Variants in LRP12 observed in about 807,000 individuals in gnomAD.
LRP12 encodes LDL receptor related protein 12.
A neutral mutation model predicts 66.0 loss-of-function variants in LRP12; 14 were observed. The ratio of observed to expected loss-of-function variants is 0.21; its 90% CI spans 0.14 to 0.33. The LOEUF (loss-of-function observed/expected upper bound fraction) is 0.33. Among genes scored for constraint, LRP12 ranks in the 10% least tolerant of loss-of-function variants. The pLI, the probability that LRP12 is intolerant of heterozygous loss-of-function variation, is 1.00. For missense variants in LRP12, 889 were observed against 1,053.4 expected (o/e 0.84, Z 2.16); for synonymous variants, 357 against 359.1 (o/e 0.99, Z 0.07).
intron 1 of LRP12, among the ~76,000 whole-genome samples, chr8:104,553,841 A>G (rs759614075): frequency 6.6e-6 from 1 of 152,154 alleles, no homozygotes; most frequent in South Asian, 2.1e-4. Flanking sequence ...CCAGTGCACT[A>G]AACAAAAATA....
intron 1 of LRP12, among the ~76,000 whole-genome samples, chr8:104,573,943 A>G (rs563940117): frequency 6.6e-6 from 1 of 152,304 alleles, no homozygotes; most frequent in African/African-American, 2.4e-5. Flanking sequence ...CTAGCAGATT[A>G]AAATATATCA....
intron 2 of LRP12, among the ~76,000 whole-genome samples, chr8:104,517,908 T>G (rs1588489473): frequency 6.6e-6 from 1 of 152,204 alleles, no homozygotes; most frequent in African/African-American, 2.4e-5. Context: ...CAGTAAAAAT[T>G]ATTCTGAAAG....
intron 2 of LRP12, among the ~76,000 whole-genome samples, chr8:104,521,496 T>C (rs1811151267): frequency 6.6e-6 from 1 of 151,442 alleles, no homozygotes; most frequent in Non-Finnish European, 1.5e-5. Flanking sequence ...CCACCATTAG[T>C]TTCATTTCCA....
At chr8:104,514,845 A>G (rs116241416) in intron 2 of LRP12, among the ~76,000 whole-genome samples, 1,981 of 152,366 alleles carry the variant, frequency 0.013, 48 homozygotes, top group African/African-American at 0.044. Flanking sequence ...GTAAACTGTC[A>G]GTAAACAATA....
chr8:104,524,501 A>C (rs916760002), intron 2 of LRP12, among the ~76,000 whole-genome samples: 2 of 152,154 alleles, frequency 1.3e-5, no homozygotes, highest in African/African-American at 4.8e-5. Flanking sequence ...AATCCATTGG[A>C]AACAACCCAT....
intron 1 of LRP12, among the ~76,000 whole-genome samples, chr8:104,580,540 C>A (rs978917084): frequency 1.1e-4 from 17 of 150,014 alleles, no homozygotes; most frequent in East Asian, 3.9e-4. Context: ...AAAAAAAAAA[C>A]AAAACAAACA....
intron 2 of LRP12, among the ~76,000 whole-genome samples, chr8:104,518,601 A>G (rs2140851069): frequency 6.6e-6 from 1 of 152,244 alleles, no homozygotes; most frequent in East Asian, 1.9e-4. Flanking sequence ...AATCTATAAT[A>G]ACACAGAGAA....
rs1393316805 is a variant in LRP12, at chr8:104,548,185, T to TATATAATATATA, written c.80-16223_80-16222insTATATATTATAT. 3.2e-3 allele frequency among the ~76,000 whole-genome samples: 326 copies of TATATAATATATA among 103,210 alleles called. 7 individuals carry two copies. The highest frequency in any genetic ancestry group is 0.011 in the African/African-American group (266 of 23,766). 67.7% of individuals were successfully genotyped at this position (103,210 alleles called of 152,430 possible). On this transcript the variant is annotated intron_variant, in intron 1 of 6. Transcript: ENST00000276654. ...TTATTATATATAATATAATATATAA[T>TATATAATATATA]ATATATATAAATATATGATATATTT...
intron 6 of LRP12, among the ~76,000 whole-genome samples, chr8:104,493,951 G>A (rs1230291357): frequency 1.3e-5 from 2 of 152,148 alleles, no homozygotes; most frequent in East Asian, 3.8e-4. Context: ...AATCGCAAGT[G>A]AGCTGCTTTC....
At chr8:104,564,207 A>G (rs1336837913) in intron 1 of LRP12, among the ~76,000 whole-genome samples, 1 of 152,228 alleles carries the variant, frequency 6.6e-6, no homozygotes. Flanking sequence ...TATATATCAC[A>G]TACATCACAG....
At chr8:104,556,603 C>A (rs1244974342) in intron 1 of LRP12, among the ~76,000 whole-genome samples, 3 of 152,070 alleles carry the variant, frequency 2.0e-5, no homozygotes, top group African/African-American at 7.2e-5. Flanking sequence ...CAATAACAAG[C>A]AGCAAGGCTG....
rs560162306 is a variant in LRP12 at position 104,496,940 on chromosome 8, T to C, written c.1580+32A>G. 2.2e-5 allele frequency: 32 copies of C among 1,471,514 alleles called. No homozygotes were observed. The Middle Eastern group carries it at 5.4e-4, about 25-fold the overall frequency. 91.2% of individuals were successfully genotyped at this position (1,471,514 alleles called of 1,614,324 possible). A position where few individuals can be genotyped will look rare whatever the true frequency, so the allele number is the denominator to read the frequency against. On this transcript the variant is annotated intron_variant, in intron 5 of 6. Transcript: ENST00000276654. The stretch of plus-strand genomic sequence containing the variant: ...TTTCAAACACTTGGGCCTGCTTTTA[T>C]TGAGGCCCAATAGTTCTGTCTTGAT...
chr8:104,532,965 G>A (rs778650698), intron 1 of LRP12, among the ~76,000 whole-genome samples: 4 of 152,042 alleles, frequency 2.6e-5, no homozygotes, highest in Non-Finnish European at 5.9e-5. Flanking sequence ...ATAGTGCCTG[G>A]CACATAGCAT....
intron 1 of LRP12, among the ~76,000 whole-genome samples, chr8:104,550,347 T>A (rs895461930): frequency 1.2e-4 from 18 of 152,338 alleles, no homozygotes; most frequent in Non-Finnish European, 2.6e-4. Flanking sequence ...TACCAAATGA[T>A]GGTCTAAGGA....
chr8:104,490,901 T>A lies in LRP12; in HGVS notation c.2352A>T (p.Ser784=). The change falls in exon 7 of 7, where the codon TCA becomes TCT. Residue 784 remains serine (S), a synonymous_variant. Transcript: ENST00000276654. ...TGGAGCAGTCATTCACATCAAAGTC[T>A]GAAGATCCATCAGAAATTGGAATTA... The part of the protein sequence containing the change: ...EMLIPISDGS[S]DFDVNDCSRP... 6.2e-7 allele frequency: 1 copy of A among 1,614,180 alleles called. No individual in the cohort carries two copies. The highest frequency in any genetic ancestry group is 8.5e-7 in the Non-Finnish European group (1 of 1,180,020).
At chr8:104,531,267 TGTGGTTGACAGCAA>T (rs1056141412) in intron 2 of LRP12, among the ~76,000 whole-genome samples, 2 of 152,164 alleles carry the variant, frequency 1.3e-5, no homozygotes, top group African/African-American at 4.8e-5. Flanking sequence ...TCCTAGTAAC[TGTGGTTGACAGCAA>T]AAATGGTAAC....
At chr8:104,525,971 A>C (rs1419223221) in intron 2 of LRP12, among the ~76,000 whole-genome samples, 2 of 152,246 alleles carry the variant, frequency 1.3e-5, no homozygotes, top group Non-Finnish European at 2.9e-5. Context: ...GCTGATAAGC[A>C]ACTTCAGCAG....
chr8:104,547,254 A>C (rs1392517815), intron 1 of LRP12, among the ~76,000 whole-genome samples: 5 of 137,764 alleles, frequency 3.6e-5, no homozygotes, highest in African/African-American at 1.3e-4. Context: ...CAATTCTGTT[A>C]TATCATATTT....
Position 104,586,362 on chromosome 8 carries a change from T to C in LRP12, c.79+2457A>G, listed in dbSNP as rs534336334. ...TGAAGCACACCTTAGAGTCATTTCA[T>C]TTAAGAGTCACTCTGTGAAGAATTA... On this transcript the variant is annotated intron_variant, in intron 1 of 6. Coordinates refer to ENST00000276654, the MANE Select transcript of LRP12 (RefSeq NM_013437.5). 3.9e-5 allele frequency among the ~76,000 whole-genome samples: 6 copies of C among 152,336 alleles called. No homozygotes were observed. The South Asian group carries it at 1.2e-3, about 32-fold the overall frequency.
Sources: allele counts gnomAD v4.1 joint callset (sites outside exome capture counted in the v4.1 genomes callset), GRCh38; gene constraint gnomAD v4.1.1; transcripts MANE v1.5; gene names NCBI Gene and HGNC (gene_info 2026-07-23, HGNC 2026-07-21).